CEP170: variants seen among roughly 807,000 people sequenced by gnomAD.
The protein encoded by CEP170 is centrosomal protein of 170 kDa.
In CEP170, 21 loss-of-function variants were observed where a neutral mutation model predicts 151.9. The ratio of observed to expected loss-of-function variants is 0.14; its 90% CI spans 0.10 to 0.20. The LOEUF is 0.20. Among genes scored for constraint, CEP170 ranks in the 10% least tolerant of loss-of-function variants. CEP170 has a pLI of 1.00. For missense variants in CEP170, 964 were observed against 1,892.9 expected (o/e 0.51, Z 9.11); for synonymous variants, 356 against 648.8 (o/e 0.55, Z 6.86).
intron 4 of CEP170, among the ~76,000 whole-genome samples, chr1:243,202,836 A>AT (rs1265175147): frequency 2.6e-5 from 4 of 152,054 alleles, no homozygotes; most frequent in African/African-American, 7.2e-5. Context: ...AGTCATTACC[A>AT]TTTTTTCCAT....
chr1:243,211,877 T>C lies in CEP170; in HGVS notation c.274+9A>G. 6.2e-7 allele frequency: 1 copy of C among 1,602,162 alleles called. No homozygotes were observed. The highest frequency in any genetic ancestry group is 8.5e-7 in the Non-Finnish European group (1 of 1,174,844). On this transcript the variant is annotated intron_variant, in intron 4 of 19. Coordinates refer to ENST00000366542, the MANE Select transcript of CEP170 (RefSeq NM_014812.3). ...AATTTAATAAGTACATAAAACCATT[T>C]AAGGATATCATATCCAAATCTCAGC...
At chr1:243,221,887 C>T (rs2062849234) in intron 2 of CEP170, 74 bp from the exon 3 acceptor site, 2 of 1,326,324 alleles carry the variant, frequency 1.5e-6, no homozygotes, top group South Asian at 2.7e-5. Flanking sequence ...TGGCTAGATA[C>T]CTAATATTAA....
In CEP170 at chr1:243,142,065, C is replaced by T. The variant is rs113641920; in HGVS notation, c.4059+251G>A. On this transcript the variant is annotated intron_variant, in intron 15 of 19. Transcript: ENST00000366542. ...TTCATGTTTCAAGTGAAGCTATGGA[C>T]CAAGAATTAGCAGGCAAAATGCTGT... Among the ~76,000 whole-genome samples, 1,092 of 152,282 alleles carry T rather than the reference C, an allele frequency of 7.2e-3. 9 individuals are homozygous for T. Among genetic ancestry groups the T allele is most frequent in the African/African-American group, 0.025 (1,020 of 41,554 alleles).
intron 10 of CEP170, among the ~76,000 whole-genome samples, chr1:243,178,241 A>C (rs2059378686): frequency 2.1e-5 from 3 of 145,864 alleles, no homozygotes; most frequent in African/African-American, 7.5e-5. Context: ...AGACAGGAGA[A>C]TCGCATAACG....
chr1:243,190,538 C>T (rs2060245471), intron 8 of CEP170, among the ~76,000 whole-genome samples: 1 of 152,018 alleles, frequency 6.6e-6, no homozygotes, highest in East Asian at 1.9e-4. Flanking sequence ...TATGAGTAAC[C>T]ACTGAGAATA....
At chr1:243,161,680 A>T (rs1331094727) in intron 13 of CEP170, among the ~76,000 whole-genome samples, 2 of 152,036 alleles carry the variant, frequency 1.3e-5, no homozygotes, top group African/African-American at 4.8e-5. Context: ...AATTGGAAAC[A>T]TTATGGAATT....
chr1:243,149,602 T>C (rs1572253602), intron 14 of CEP170, among the ~76,000 whole-genome samples: 1 of 152,238 alleles, frequency 6.6e-6, no homozygotes, highest in East Asian at 1.9e-4. Flanking sequence ...TTGGCAGATA[T>C]GCCTTATTGC....
chr1:243,169,492 A>G (rs1351401163), intron 12 of CEP170, 136 bp downstream of exon 12: 16 of 1,471,784 alleles, frequency 1.1e-5, no homozygotes, highest in East Asian at 2.5e-5. Context: ...ACTTCTTACT[A>G]TATAGATTTG....
chr1:243,178,308 C>CAAA lies in CEP170; in HGVS notation c.1567-5465_1567-5463dup, dbSNP rs869094317. ...TGGGCAACAGAGCGAGACTCTGCCT[C>CAAA]AAAAAAAAAAAAAAAAAAAAAAAAA... On this transcript the variant is annotated intron_variant, in intron 10 of 19. Coordinates refer to ENST00000366542, the MANE Select transcript of CEP170 (RefSeq NM_014812.3). Among the ~76,000 whole-genome samples the CAAA allele has an allele frequency of 3.4e-3, 104 of 30,426 alleles. 12 individuals are homozygous for CAAA. Among genetic ancestry groups the CAAA allele is most frequent in the African/African-American group, 0.015 (89 of 6,120 alleles). 20.0% of individuals were successfully genotyped at this position (30,426 alleles called of 152,430 possible). A position where few individuals can be genotyped will look rare whatever the true frequency, so the allele number is the denominator to read the frequency against.
At position 243,221,695 on chromosome 1, in the gene CEP170, AC is replaced by A. The variant is rs566415220; in HGVS notation, c.195+28del. 4.8e-5 allele frequency: 76 copies of A among 1,575,972 alleles called. No individual in the cohort carries two copies. In the Admixed American group the frequency reaches 6.8e-4, roughly 14 times the overall value. The stretch of plus-strand genomic sequence containing the variant: ...CTTACAATATTAAACAAATGTTCAA[AC>A]AAGACAAAAAATAAACCATTGACTT... On this transcript the variant is annotated intron_variant, in intron 3 of 19. Transcript: ENST00000366542.
intron 19 of CEP170, among the ~76,000 whole-genome samples, chr1:243,127,457 T>C (rs942726639): frequency 5.3e-5 from 8 of 152,138 alleles, no homozygotes; most frequent in Admixed American, 1.3e-4. Flanking sequence ...GGAAGTAACA[T>C]AGATGTAAGA....
intron 13 of CEP170, among the ~76,000 whole-genome samples, chr1:243,157,463 C>G (rs1572325855): frequency 6.6e-6 from 1 of 152,098 alleles, no homozygotes; most frequent in East Asian, 1.9e-4. Context: ...TAATGTATAC[C>G]TAGCACTTAG....
Position 243,169,769 on chromosome 1 carries a change from T to C in CEP170, c.1717-15A>G. The C allele has an allele frequency of 1.9e-6, 3 of 1,595,160 alleles. No homozygotes were observed. Among genetic ancestry groups the C allele is most frequent in the Non-Finnish European group, 2.6e-6 (3 of 1,175,244 alleles). On this transcript the variant is annotated splice_polypyrimidine_tract_variant and intron_variant, in intron 11 of 19. Transcript: ENST00000366542. ...GATGTGCCTTCCTAAAGGAGAAAAA[T>C]AAGAAAACAAAATCATGCAGCCTGG...
intron 2 of CEP170, among the ~76,000 whole-genome samples, chr1:243,223,226 ATCTC>A (rs1378581407): frequency 1.3e-5 from 2 of 152,178 alleles, no homozygotes; most frequent in African/African-American, 2.4e-5. Context: ...CTCATAAATA[ATCTC>A]TCTCTGAGGA....
chr1:243,140,300 T>C, intron 15 of CEP170, 193 bp from the exon 16 acceptor site: 1 of 824,724 alleles, frequency 1.2e-6, no homozygotes, highest in Middle Eastern at 4.0e-4. Flanking sequence ...AAAATCGAGA[T>C]TCATCTACAC....
chr1:243,237,961 G>A (rs914742247), intron 1 of CEP170, among the ~76,000 whole-genome samples: 11 of 152,142 alleles, frequency 7.2e-5, no homozygotes, highest in Admixed American at 5.2e-4. Flanking sequence ...ATAAACAATC[G>A]GGTCTATCTT....
At chr1:243,136,069 T>C in intron 17 of CEP170, 74 bp downstream of exon 17, 2 of 1,548,810 alleles carry the variant, frequency 1.3e-6, no homozygotes, top group Non-Finnish European at 1.7e-6. Context: ...ATTCTGATGA[T>C]ACATTTTTAA....
chr1:243,242,168 G>T (rs2064910312), intron 1 of CEP170, among the ~76,000 whole-genome samples: 1 of 152,100 alleles, frequency 6.6e-6, no homozygotes, highest in African/African-American at 2.4e-5. Context: ...CGTTAATTTG[G>T]AATCGACCCA....
chr1:243,215,871 C>G (rs560625492), intron 3 of CEP170, among the ~76,000 whole-genome samples: 165 of 152,204 alleles, frequency 1.1e-3, no homozygotes, highest in Non-Finnish European at 1.5e-3. Context: ...GACGTGATGT[C>G]TCCCCTGGAT....
Sources: allele counts gnomAD v4.1 joint callset (sites outside exome capture counted in the v4.1 genomes callset), GRCh38; gene constraint gnomAD v4.1.1; transcripts MANE v1.5; gene names NCBI Gene and HGNC (gene_info 2026-07-23, HGNC 2026-07-21).